Variants in CFAP157 observed in about 807,000 individuals in gnomAD.
CFAP157 encodes the protein cilia and flagella associated protein 157.
In CFAP157, 43 loss-of-function variants were observed where a neutral mutation model predicts 57.8. The ratio of observed to expected loss-of-function variants is 0.74; its 90% CI spans 0.58 to 0.96. The LOEUF is 0.96. CFAP157 is among the 40% of genes least tolerant of loss of function. The pLI, the probability that CFAP157 is intolerant of heterozygous loss-of-function variation, is 0.00. For synonymous variants in CFAP157, 267 were observed against 269.0 expected, an observed-to-expected ratio of 0.99 and a Z score of 0.07; for missense variants, 606 against 655.3, an observed-to-expected ratio of 0.92 and a Z score of 0.82.
intron 4 of CFAP157, 67 bp downstream of exon 4, chr9:127,711,563 C>A: frequency 1.3e-6 from 2 of 1,561,086 alleles, no homozygotes; most frequent in South Asian, 1.2e-5. Context: ...GGGGGCCCTG[C>A]AGGGGTAGAG....
Position 127,712,230 on chromosome 9 carries a change from GAGC to G in CFAP157, c.1027_1029del (p.Gln343del), listed in dbSNP as rs1410133509. On this transcript the variant is annotated inframe_deletion, in exon 6 of 9. Coordinates refer to ENST00000373295, the MANE Select transcript of CFAP157 (RefSeq NM_001012502.3). ...GAGAGACCAGCTGAGCCTGCAGCTGGAGCAGCAGCAGGTGGATTTGCAGCGGCT... is the reference window on the plus strand; with the variant it reads ...GAGAGACCAGCTGAGCCTGCAGCTGGAGCAGCAGGTGGATTTGCAGCGGCT... 3.7e-6 allele frequency: 6 copies of G among 1,613,886 alleles called. No homozygotes were observed. Among genetic ancestry groups the G allele is most frequent in the Non-Finnish European group, 4.2e-6 (5 of 1,179,988 alleles).
chr9:127,715,737 C>G lies in CFAP157; in HGVS notation c.*1832C>G. 1 of 1,540,182 alleles carries G rather than the reference C, an allele frequency of 6.5e-7. No homozygotes were observed. Among genetic ancestry groups the G allele is most frequent in the Admixed American group, 2.0e-5 (1 of 50,056 alleles). The stretch of plus-strand genomic sequence containing the variant: ...TTGGCGTCCACCGCCAACGTCCAAT[C>G]CGGGCCGGGCTACGTGGCCGCCATG... On this transcript the variant is annotated 3_prime_UTR_variant, in exon 9 of 9. Coordinates refer to ENST00000373295, the MANE Select transcript of CFAP157 (RefSeq NM_001012502.3). The surrounding 1 kb of genome is among the most constrained non-coding windows in gnomAD (Gnocchi z 5.8).
intron 3 of CFAP157, 34 bp from the exon 4 acceptor site, chr9:127,711,195 G>C (rs771099725): frequency 1.2e-6 from 2 of 1,606,344 alleles, no homozygotes; most frequent in Non-Finnish European, 1.7e-6. Flanking sequence ...TGCCCGCTCT[G>C]TCTGACCCCT....
Position 127,714,941 on chromosome 9 carries a change from G to GGGGGGGGGCCC in CFAP157, c.*1036_*1037insGGGGGGGGCCC. The GGGGGGGGGCCC allele has an allele frequency of 2.2e-6, 1 of 446,382 alleles. No homozygotes were observed. The highest frequency in any genetic ancestry group is 4.1e-6 in the Non-Finnish European group (1 of 246,458). 27.7% of individuals were successfully genotyped at this position (446,382 alleles called of 1,614,324 possible). ...CCGCGCCCCAACCCCCACCCCCTTG[G>GGGGGGGGGCCC]CCCGCCCGCCCACCCCTGGCGCTCT... On this transcript the variant is annotated 3_prime_UTR_variant, in exon 9 of 9. Transcript: ENST00000373295.
intron 5 of CFAP157, 64 bp from the exon 6 acceptor site, chr9:127,712,135 G>A: frequency 6.3e-7 from 1 of 1,586,898 alleles, no homozygotes. Context: ...AGGGCCCCTG[G>A]CCCCAGGTGG....
In CFAP157 at chr9:127,715,515, C is replaced by T. The variant is rs1217613466; in HGVS notation, c.*1610C>T. The T allele has an allele frequency of 6.2e-7, 1 of 1,612,864 alleles. No homozygotes were observed. Among genetic ancestry groups the T allele is most frequent in the South Asian group, 1.1e-5 (1 of 91,074 alleles). ...CCGAACTGAAGCTAGGGACCGGGAG[C>T]CCCTACGTCGCCGCCCCACGCCACT... On this transcript the variant is annotated 3_prime_UTR_variant, in exon 9 of 9. Transcript: ENST00000373295. The surrounding 1 kb of genome is among the most constrained non-coding windows in gnomAD (Gnocchi z 5.8).
chr9:127,710,872 C>T, intron 3 of CFAP157, 118 bp downstream of exon 3: 1 of 1,138,054 alleles, frequency 8.8e-7, no homozygotes. Flanking sequence ...CTGACCGCCG[C>T]CCCGACAACC....
chr9:127,714,962 G>T lies in CFAP157; in HGVS notation c.*1057G>T. 3 of 300,778 alleles carry T rather than the reference G, an allele frequency of 1.0e-5. No homozygotes were observed. Among genetic ancestry groups the T allele is most frequent in the Non-Finnish European group, 1.7e-5 (3 of 178,608 alleles). 18.6% of individuals were successfully genotyped at this position (300,778 alleles called of 1,614,324 possible). On this transcript the variant is annotated 3_prime_UTR_variant, in exon 9 of 9. Transcript: ENST00000373295. ...CTTGGCCCGCCCGCCCACCCCTGGC[G>T]CTCTCAACTCACCAGCCCGGGCCAC...
At position 127,710,587 on chromosome 9, in the gene CFAP157, G is replaced by A. The variant is rs750995835; in HGVS notation, c.434-14G>A. Reference sequence around the variant, plus strand: ...GGCAGCCCATCATTGGGCCTTGTGCGCTGTGGCGGCCAGGGGGGAAGCTGG... The same window carrying A: ...GGCAGCCCATCATTGGGCCTTGTGCACTGTGGCGGCCAGGGGGGAAGCTGG... On this transcript the variant is annotated splice_polypyrimidine_tract_variant and intron_variant, in intron 2 of 8. Coordinates refer to ENST00000373295, the MANE Select transcript of CFAP157 (RefSeq NM_001012502.3). 1.4e-5 allele frequency: 22 copies of A among 1,571,486 alleles called. No homozygotes were observed. The highest frequency in any genetic ancestry group is 5.4e-5 in the African/African-American group (4 of 74,122).
Position 127,714,998 on chromosome 9 carries a change from T to C in CFAP157, c.*1093T>C, listed in dbSNP as rs1842911469. 4 of 1,208,362 alleles carry C rather than the reference T, an allele frequency of 3.3e-6. No homozygotes were observed. The highest frequency in any genetic ancestry group is 3.3e-5 in the Admixed American group (1 of 30,338). The allele number at this position is 1,208,362 out of a possible 1,614,324, so 74.9% of individuals were successfully genotyped here. ...ACCAGCCCGGGCCACGCTGCGCCCGTTGGCGTTCATAAGCCGCCGTGGCCG... is the reference window on the plus strand; with the variant it reads ...ACCAGCCCGGGCCACGCTGCGCCCGCTGGCGTTCATAAGCCGCCGTGGCCG... On this transcript the variant is annotated 3_prime_UTR_variant, in exon 9 of 9. Coordinates refer to ENST00000373295, the MANE Select transcript of CFAP157 (RefSeq NM_001012502.3).
At chr9:127,710,842 T>TG (rs1842749925) in intron 3 of CFAP157, 88 bp downstream of exon 3, 4 of 1,438,938 alleles carry the variant, frequency 2.8e-6, no homozygotes, top group African/African-American at 1.4e-5. Context: ...AGCTTCTAAC[T>TG]GGGGGGTTAG....
At position 127,715,847 on chromosome 9, in the gene CFAP157, G is replaced by A. The variant is rs1842968612; in HGVS notation, c.*1942G>A. ...TAGCGCGGCGTCACAGTGTCCCTTC[G>A]GGACTTGTGTGGGACGCTCGGAGCT... is the stretch of plus-strand genomic sequence containing the variant. On this transcript the variant is annotated 3_prime_UTR_variant, in exon 9 of 9. Coordinates refer to ENST00000373295, the MANE Select transcript of CFAP157 (RefSeq NM_001012502.3). This position sits in a 1 kb window ranked among gnomAD's most constrained non-coding sequence, Gnocchi z 5.8. The A allele has an allele frequency of 2.0e-6, 2 of 1,018,564 alleles. No individual in the cohort carries two copies. The highest frequency in any genetic ancestry group is 2.8e-6 in the Non-Finnish European group (2 of 702,602). The allele number at this position is 1,018,564 out of a possible 1,614,324, so 63.1% of individuals were successfully genotyped here. A position where few individuals can be genotyped will look rare whatever the true frequency, so the allele number is the denominator to read the frequency against.
chr9:127,709,456 GAGA>G lies in CFAP157; in HGVS notation c.200_202del (p.Lys67del), dbSNP rs763080928. On this transcript the variant is annotated inframe_deletion, in exon 2 of 9. Coordinates refer to ENST00000373295, the MANE Select transcript of CFAP157 (RefSeq NM_001012502.3). The surrounding 1 kb of genome is among the most constrained non-coding windows in gnomAD (Gnocchi z 4.7). ...GAAGTGGGATGAGCTGGCTGTGCAG[GAGA>G]AGATGTTCCGCCAGGAGTTTGAGCA... 6.8e-6 allele frequency: 11 copies of G among 1,613,814 alleles called. No individual in the cohort carries two copies. Among genetic ancestry groups the G allele is most frequent in the Middle Eastern group, 1.7e-4 (1 of 6,036 alleles).
rs867137147 is a variant in CFAP157 at position 127,714,255 on chromosome 9, C to G, written c.*350C>G. 1.2e-6 allele frequency: 2 copies of G among 1,613,806 alleles called. No individual in the cohort carries two copies. The highest frequency in any genetic ancestry group is 1.7e-6 in the Non-Finnish European group (2 of 1,179,982). Reference sequence around the variant, plus strand: ...ACCGCCTCAGGGTGCGCCGGGCGCCCGATACCCACCCGCAGCCTTGGCATT... The same window carrying G: ...ACCGCCTCAGGGTGCGCCGGGCGCCGGATACCCACCCGCAGCCTTGGCATT... On this transcript the variant is annotated 3_prime_UTR_variant, in exon 9 of 9. Transcript: ENST00000373295.
Position 127,713,112 on chromosome 9 carries a change from C to T in CFAP157, c.1397C>T (p.Pro466Leu), listed in dbSNP as rs201886711. Reference protein sequence around the residue: ...PYQPGDLGLVPRQVHIPPNPQ... With the variant: ...PYQPGDLGLVLRQVHIPPNPQ... The stretch of plus-strand genomic sequence containing the variant: ...CAGCCGGGGGATCTAGGCCTGGTAC[C>T]TCGCCAGGTCCACATCCCACCCAAC... The change falls in exon 8 of 9, where the codon CCT becomes CTT. Residue 466 changes from proline to leucine, a missense_variant. Coordinates refer to ENST00000373295, the MANE Select transcript of CFAP157 (RefSeq NM_001012502.3). The T allele has an allele frequency of 5.6e-6, 9 of 1,613,182 alleles. No individual in the cohort carries two copies. The highest frequency in any genetic ancestry group is 4.0e-5 in the African/African-American group (3 of 75,044).
chr9:127,712,122 G>A lies in CFAP157; in HGVS notation c.987-77G>A, dbSNP rs1262205264. Reference sequence around the variant, plus strand: ...GGCCCCTGTGGGCTTGGAGAGAAATGGCAGGGCCCCTGGCCCCAGGTGGCC... The same window carrying A: ...GGCCCCTGTGGGCTTGGAGAGAAATAGCAGGGCCCCTGGCCCCAGGTGGCC... On this transcript the variant is annotated intron_variant, in intron 5 of 8. Transcript: ENST00000373295. 7.7e-6 allele frequency: 12 copies of A among 1,568,218 alleles called. No individual in the cohort carries two copies. The Admixed American group carries it at 1.3e-4, about 17-fold the overall frequency.
At chr9:127,713,666 C>G (rs1355467259) in intron 8 of CFAP157, 168 bp from the exon 9 acceptor site, 2 of 533,598 alleles carry the variant, frequency 3.7e-6, no homozygotes, top group South Asian at 1.9e-5. Context: ...ACCACCATGC[C>G]TGGCTACTTT....
Position 127,713,088 on chromosome 9 carries a change from A to G in CFAP157, c.1373A>G (p.Gln458Arg). Residue 458 changes from glutamine (Q) to arginine (R), a missense_variant, in exon 8 of 9, where the codon CAG becomes CGG. Gln to Arg is a conservative substitution (Grantham distance 43). Coordinates refer to ENST00000373295, the MANE Select transcript of CFAP157 (RefSeq NM_001012502.3). Reference sequence around the variant, plus strand: ...CAGCTCTCTGACATCACCCCCTACCAGCCGGGGGATCTAGGCCTGGTACCT... The same window carrying G: ...CAGCTCTCTGACATCACCCCCTACCGGCCGGGGGATCTAGGCCTGGTACCT... ...LPQLSDITPYQPGDLGLVPRQ... is the reference protein window; with the variant it reads ...LPQLSDITPYRPGDLGLVPRQ... The G allele has an allele frequency of 1.9e-6, 3 of 1,613,682 alleles. No homozygotes were observed. The highest frequency in any genetic ancestry group is 2.5e-6 in the Non-Finnish European group (3 of 1,179,830).
In CFAP157 at chr9:127,713,163, A is replaced by C. The variant is rs497632; in HGVS notation, c.1448A>C (p.Tyr483Ser). Residue 483 changes from tyrosine (Y) to serine (S), a missense_variant, in exon 8 of 9, where the codon TAT (tyrosine) becomes TCT (serine). Transcript: ENST00000373295. The part of the protein sequence containing the change: ...PNPQDLRLLS[Y>S]ITRVGTFRAH... ...CCCCAGGACCTCAGGCTGCTGTCAT[A>C]TATCACCCGTGTGGGGACCTTCCGG... 892,776 of 1,597,826 alleles carry C rather than the reference A, an allele frequency of 0.56. 252,144 individuals carry two copies. Among genetic ancestry groups the C allele is most frequent in the Middle Eastern group, 0.63 (3,773 of 5,964 alleles).
Sources: allele counts gnomAD v4.1 joint callset, GRCh38; gene constraint gnomAD v4.1.1; non-coding constraint Gnocchi (gnomAD v3.1); transcripts MANE v1.5; gene names NCBI Gene and HGNC (gene_info 2026-07-23, HGNC 2026-07-21).